Variants in CTNNA2 observed in about 807,000 individuals in gnomAD.
CTNNA2 encodes catenin alpha-2.
Under a neutral mutation model 101.0 loss-of-function variants are expected in CTNNA2, and 42 were observed. The observed-to-expected ratio is 0.42, with a 90% CI of 0.32 to 0.54. The LOEUF (loss-of-function observed/expected upper bound fraction) is 0.54. Among genes scored for constraint, CTNNA2 ranks in the 20% least tolerant of loss-of-function variants. CTNNA2 has a pLI of 0.14. For missense variants in CTNNA2, 871 were observed against 1,223.1 expected, an observed-to-expected ratio of 0.71 and a Z score of 4.29; for synonymous variants, 450 against 456.4, an observed-to-expected ratio of 0.99 and a Z score of 0.18.
rs1684520948 is a variant in CTNNA2, at chr2:79,894,063, T to TCCTCC, written c.853-15531_853-15530insCCTCC. 1.8e-3 allele frequency among the ~76,000 whole-genome samples: 112 copies of TCCTCC among 61,334 alleles called. 1 individual carries two copies. Among genetic ancestry groups the TCCTCC allele is most frequent in the African/African-American group, 6.6e-3 (108 of 16,360 alleles). The allele number at this position is 61,334 out of a possible 152,430, so 40.2% of individuals were successfully genotyped here. ...CTTCTTCTTCTTCTTCTTCTTCTTC[T>TCCTCC]TCCTCCTCCTCCTCCTCCTTCTTCT... On this transcript the variant is annotated intron_variant, in intron 6 of 18. Coordinates refer to ENST00000402739, the MANE Select transcript of CTNNA2 (RefSeq NM_001282597.3).
At chr2:79,485,847 T>C (rs1671152261) in intron 4 of CTNNA2, among the ~76,000 whole-genome samples, 1 of 152,232 alleles carries the variant, frequency 6.6e-6, no homozygotes, top group South Asian at 2.1e-4. Flanking sequence ...TGCATAGTCC[T>C]CTTTTCCTAA....
At chr2:80,412,724 G>A (rs1448546706) in intron 8 of CTNNA2, among the ~76,000 whole-genome samples, 1 of 151,990 alleles carries the variant, frequency 6.6e-6, no homozygotes, top group Non-Finnish European at 1.5e-5. Flanking sequence ...CTTCTCCTGT[G>A]TCTGGGTTCT....
intron 2 of CTNNA2, among the ~76,000 whole-genome samples, chr2:79,257,214 C>T (rs1369968776): frequency 6.6e-6 from 1 of 152,058 alleles, no homozygotes; most frequent in East Asian, 1.9e-4. Context: ...CCAAAAATAG[C>T]ATGCTGAAGT....
chr2:80,627,011 A>G (rs1013785052), intron 18 of CTNNA2, among the ~76,000 whole-genome samples: 2 of 152,006 alleles, frequency 1.3e-5, no homozygotes, highest in Non-Finnish European at 2.9e-5. Context: ...ATGGTTTCCA[A>G]CTTCAACCAT....
rs181146394 is a variant in CTNNA2 at position 79,841,011 on chromosome 2, C to T, written c.299-17002C>T. Among the ~76,000 whole-genome samples the T allele has an allele frequency of 4.3e-3, 656 of 152,130 alleles. 13 individuals are homozygous for T. The highest frequency in any genetic ancestry group is 0.038 in the East Asian group (195 of 5,156). ...GTCTTGATCTCCTGACCTCGTGATC[C>T]GCCCGCCTCGGCCTTCCAAAGTGCT... On this transcript the variant is annotated intron_variant, in intron 3 of 18. Transcript: ENST00000402739.
At chr2:79,427,176 A>G (rs527457972) in intron 4 of CTNNA2, among the ~76,000 whole-genome samples, 27 of 152,112 alleles carry the variant, frequency 1.8e-4, no homozygotes, top group Non-Finnish European at 3.5e-4. Flanking sequence ...ATATCATGAA[A>G]AGGGCAGTAA....
rs1320317554 is a variant in CTNNA2 at position 80,075,347 on chromosome 2, T to G, written c.1056+165550T>G. Among the ~76,000 whole-genome samples the G allele has an allele frequency of 2.6e-5, 4 of 151,966 alleles. No individual in the cohort carries two copies. The East Asian group carries it at 7.8e-4, about 29-fold the overall frequency. ...AGTTAGCTGTACCTGAATTCTACTC[T>G]GGGCTCTCCAACTTACTAGCCATTT... is the stretch of plus-strand genomic sequence containing the variant. On this transcript the variant is annotated intron_variant, in intron 7 of 18. Transcript: ENST00000402739.
intron 1 of CTNNA2, among the ~76,000 whole-genome samples, chr2:79,516,805 G>C (rs1417256056): frequency 1.3e-5 from 2 of 152,110 alleles, no homozygotes; most frequent in Non-Finnish European, 2.9e-5. Flanking sequence ...GAACAATAAA[G>C]ATTTAATATT....
intron 4 of CTNNA2, among the ~76,000 whole-genome samples, chr2:79,405,560 A>G (rs1264659437): frequency 6.6e-6 from 1 of 151,986 alleles, no homozygotes; most frequent in Non-Finnish European, 1.5e-5. Flanking sequence ...TCCTGACCTC[A>G]AGTGATCTGC....
chr2:79,622,474 G>C (rs1679057019), intron 1 of CTNNA2, among the ~76,000 whole-genome samples: 1 of 152,156 alleles, frequency 6.6e-6, no homozygotes, highest in Non-Finnish European at 1.5e-5. Context: ...ATGAAAATAT[G>C]GTTGTTTGAT....
intron 7 of CTNNA2, among the ~76,000 whole-genome samples, chr2:80,065,154 A>T (rs1271834389): frequency 6.6e-6 from 1 of 152,078 alleles, no homozygotes; most frequent in Non-Finnish European, 1.5e-5. Flanking sequence ...GACCCATGGA[A>T]AACTATAGCC....
rs568171394 is a variant in CTNNA2, at chr2:79,606,426, C to G, written c.-5-45126C>G. Among the ~76,000 whole-genome samples the G allele has an allele frequency of 1.1e-4, 17 of 152,206 alleles. No homozygotes were observed. The South Asian group carries it at 2.9e-3, about 26-fold the overall frequency. ...GGGACTACAGACACCCGCCAGCACGCCTGGCTAATTTTTTTGTATTTTTGG... is the reference window on the plus strand; with the variant it reads ...GGGACTACAGACACCCGCCAGCACGGCTGGCTAATTTTTTTGTATTTTTGG... On this transcript the variant is annotated intron_variant, in intron 1 of 18. Transcript: ENST00000402739.
intron 2 of CTNNA2, among the ~76,000 whole-genome samples, chr2:79,688,538 A>G (rs925547012): frequency 2.0e-5 from 3 of 152,094 alleles, no homozygotes; most frequent in African/African-American, 4.8e-5. Flanking sequence ...TAAAAATTCA[A>G]TGAGAATGAG....
At chr2:79,610,566 C>G (rs1678203354) in intron 1 of CTNNA2, among the ~76,000 whole-genome samples, 1 of 152,086 alleles carries the variant, frequency 6.6e-6, no homozygotes, top group Non-Finnish European at 1.5e-5. Context: ...CTGGATGACT[C>G]TCAAGATGAT....
At chr2:79,814,768 G>A (rs1242852202) in intron 3 of CTNNA2, among the ~76,000 whole-genome samples, 2 of 151,952 alleles carry the variant, frequency 1.3e-5, no homozygotes, top group African/African-American at 4.8e-5. Flanking sequence ...TCATGTACTG[G>A]CCTCTTTTCC....
At chr2:80,268,173 C>T (rs1245880632) in intron 7 of CTNNA2, among the ~76,000 whole-genome samples, 1 of 152,186 alleles carries the variant, frequency 6.6e-6, no homozygotes, top group Non-Finnish European at 1.5e-5. Flanking sequence ...TGGCTGTGCT[C>T]ATAGCCCTGG....
chr2:79,254,229 T>C (rs1674810396), intron 2 of CTNNA2, among the ~76,000 whole-genome samples: 1 of 152,182 alleles, frequency 6.6e-6, no homozygotes, highest in African/African-American at 2.4e-5. Context: ...GTTTCCCAGA[T>C]CAAAGTGGAA....
chr2:80,267,327 A>C (rs540126493), intron 7 of CTNNA2, among the ~76,000 whole-genome samples: 1 of 152,342 alleles, frequency 6.6e-6, no homozygotes, highest in Non-Finnish European at 1.5e-5. Flanking sequence ...CATGGTGGAA[A>C]GTAATAAGTA....
chr2:80,386,134 T>C (rs913463121), intron 7 of CTNNA2, among the ~76,000 whole-genome samples: 2 of 152,184 alleles, frequency 1.3e-5, no homozygotes, highest in Non-Finnish European at 2.9e-5. Flanking sequence ...CATTATATAT[T>C]GAGGATTATT....
Sources: allele counts gnomAD v4.1 joint callset (sites outside exome capture counted in the v4.1 genomes callset), GRCh38; gene constraint gnomAD v4.1.1; transcripts MANE v1.5; gene names NCBI Gene and HGNC (gene_info 2026-07-23, HGNC 2026-07-21).